RPTOR: variants seen among roughly 807,000 people sequenced by gnomAD.
RPTOR encodes regulatory-associated protein of mTOR.
In RPTOR, 21 loss-of-function variants were observed where a neutral mutation model predicts 169.9. That is an observed-to-expected ratio of 0.12 (90% CI 0.09 to 0.18). The LOEUF is 0.18. RPTOR is among the 10% of genes least tolerant of loss of function. The pLI is 1.00. For synonymous variants in RPTOR, 732 were observed against 753.2 expected (o/e 0.97, Z 0.46); for missense variants, 1,133 against 1,855.9 (o/e 0.61, Z 7.16).
chr17:80,753,897 C>T (rs1881486797), intron 5 of RPTOR, 113 bp from the exon 6 acceptor site: 1 of 1,024,698 alleles, frequency 9.8e-7, no homozygotes, highest in Non-Finnish European at 1.5e-6. Flanking sequence ...CCAGTGAAAA[C>T]TCACAGCCTG....
At chr17:80,573,526 T>G (rs2064929470) in intron 1 of RPTOR, among the ~76,000 whole-genome samples, 1 of 152,224 alleles carries the variant, frequency 6.6e-6, no homozygotes, top group South Asian at 2.1e-4. Flanking sequence ...GATGCTGTCC[T>G]AAGAGGCAAC....
At chr17:80,627,050 C>T (rs2065401258) in intron 2 of RPTOR, among the ~76,000 whole-genome samples, 1 of 152,090 alleles carries the variant, frequency 6.6e-6, no homozygotes, top group African/African-American at 2.4e-5. Flanking sequence ...GATATTTGTC[C>T]CTTTGTTTCT....
At chr17:80,591,883 T>A (rs1183782330) in intron 1 of RPTOR, among the ~76,000 whole-genome samples, 1 of 152,184 alleles carries the variant, frequency 6.6e-6, no homozygotes, top group Non-Finnish European at 1.5e-5. Context: ...AGTCACTGCA[T>A]GAGAGGCTGG....
At chr17:80,614,814 G>A (rs766378916) in intron 1 of RPTOR, among the ~76,000 whole-genome samples, 8 of 152,204 alleles carry the variant, frequency 5.3e-5, no homozygotes, top group South Asian at 2.1e-4. Flanking sequence ...TGTAGTGCTC[G>A]CTTTGCCGAC....
At chr17:80,621,571 C>T (rs2065354784) in intron 1 of RPTOR, among the ~76,000 whole-genome samples, 2 of 152,192 alleles carry the variant, frequency 1.3e-5, no homozygotes, top group African/African-American at 4.8e-5. Context: ...TCCTGGCTGC[C>T]CCACTTGCTC....
chr17:80,866,989 C>A (rs2068000131), intron 13 of RPTOR, among the ~76,000 whole-genome samples: 1 of 152,198 alleles, frequency 6.6e-6, no homozygotes, highest in African/African-American at 2.4e-5. Context: ...TGGATGACAT[C>A]TAAGCACCTT....
intron 7 of RPTOR, among the ~76,000 whole-genome samples, chr17:80,798,015 C>T (rs1049748985): frequency 6.6e-6 from 1 of 152,188 alleles, no homozygotes; most frequent in African/African-American, 2.4e-5. Context: ...AGACTGAGTT[C>T]CCCCTTATTT....
At chr17:80,765,562 T>G (rs1390586104) in intron 6 of RPTOR, among the ~76,000 whole-genome samples, 1 of 152,182 alleles carries the variant, frequency 6.6e-6, no homozygotes, top group East Asian at 1.9e-4. Context: ...TAGTGCTGCT[T>G]TCAGGATGAG....
intron 5 of RPTOR, among the ~76,000 whole-genome samples, chr17:80,747,089 C>T (rs1329682577): frequency 1.3e-5 from 2 of 152,060 alleles, no homozygotes; most frequent in African/African-American, 2.4e-5. Flanking sequence ...TGGTGGCACT[C>T]GCCTGTGATC....
chr17:80,865,971 A>G (rs1349026090), intron 13 of RPTOR, among the ~76,000 whole-genome samples: 5 of 152,172 alleles, frequency 3.3e-5, no homozygotes, highest in Non-Finnish European at 7.3e-5. Context: ...TCAATAATAG[A>G]TAGTAGGAAT....
intron 13 of RPTOR, among the ~76,000 whole-genome samples, chr17:80,863,903 G>A (rs2067949880): frequency 6.6e-6 from 1 of 152,216 alleles, no homozygotes. Flanking sequence ...CTAGGGAACA[G>A]AGTGAGGCCC....
intron 3 of RPTOR, among the ~76,000 whole-genome samples, chr17:80,661,073 T>TA (rs1184774724): frequency 6.6e-6 from 1 of 152,244 alleles, no homozygotes; most frequent in East Asian, 1.9e-4. Context: ...ACTGCCGACC[T>TA]ACCACACTTA....
chr17:80,594,034 TTTCC>T (rs563857494), intron 1 of RPTOR, among the ~76,000 whole-genome samples: 217 of 152,232 alleles, frequency 1.4e-3, no homozygotes, highest in African/African-American at 4.6e-3. Context: ...CGTTCCTTTC[TTTCC>T]TTCCTTCCTT....
intron 24 of RPTOR, among the ~76,000 whole-genome samples, chr17:80,934,688 G>A (rs2068935501): frequency 6.6e-6 from 1 of 152,096 alleles, no homozygotes; most frequent in South Asian, 2.1e-4. Flanking sequence ...ACTCAACACA[G>A]AAAACTTCTG....
Position 80,964,434 on chromosome 17 carries a change from C to T in RPTOR, c.*104C>T, listed in dbSNP as rs866441967. 5.4e-5 allele frequency: 62 copies of T among 1,147,112 alleles called. No homozygotes were observed. The Middle Eastern group carries it at 3.3e-3, about 61-fold the overall frequency. 71.1% of individuals were successfully genotyped at this position (1,147,112 alleles called of 1,614,324 possible). A position where few individuals can be genotyped will look rare whatever the true frequency, so the allele number is the denominator to read the frequency against. On this transcript the variant is annotated 3_prime_UTR_variant, in exon 34 of 34. Coordinates refer to ENST00000306801, the MANE Select transcript of RPTOR (RefSeq NM_020761.3). ...GGCTGCTGCGGCCCCGCAGTGTGAA[C>T]GTTGGCTGCTGCCTTAGCTGCTGAT...
intron 33 of RPTOR, 60 bp from the exon 34 acceptor site, chr17:80,964,202 C>CCCCCCCCCCACAGTCA: frequency 8.2e-7 from 1 of 1,224,850 alleles, no homozygotes; most frequent in Non-Finnish European, 1.2e-6. Context: ...TGCGCCCCCC[C>CCCCCCCCCCACAGTCA]GCCCCCCGCA....
chr17:80,580,742 C>T lies in RPTOR; in HGVS notation c.162+34951C>T, dbSNP rs575900726. On this transcript the variant is annotated intron_variant, in intron 1 of 33. Coordinates refer to ENST00000306801, the MANE Select transcript of RPTOR (RefSeq NM_020761.3). ...AGCTCCAGCAATCTTCCCACCTCAGCCTCCCGAGTAGCTGGGACCACAGGT... is the reference window on the plus strand; with the variant it reads ...AGCTCCAGCAATCTTCCCACCTCAGTCTCCCGAGTAGCTGGGACCACAGGT... Among the ~76,000 whole-genome samples, 4 of 152,296 alleles carry T rather than the reference C, an allele frequency of 2.6e-5. No individual in the cohort carries two copies. In the East Asian group the frequency reaches 7.7e-4, roughly 29 times the overall value.
At chr17:80,691,455 T>C (rs61707349) in intron 3 of RPTOR, among the ~76,000 whole-genome samples, 26,287 of 151,646 alleles carry the variant, frequency 0.17, 3,543 homozygotes, top group African/African-American at 0.39. Context: ...TGTGTGTGTG[T>C]GCACGCATGT....
chr17:80,600,482 C>T (rs182166137), intron 1 of RPTOR, among the ~76,000 whole-genome samples: 546 of 152,284 alleles, frequency 3.6e-3, no homozygotes, highest in Non-Finnish European at 5.6e-3. Context: ...AGAAAACAAG[C>T]CCCAGGTACC....
Sources: gnomAD v4.1 joint callset for allele counts (sites outside exome capture counted in the v4.1 genomes callset) on GRCh38, gnomAD v4.1.1 for gene constraint, MANE v1.5 for transcripts, NCBI Gene and HGNC (gene_info 2026-07-23, HGNC 2026-07-21) for gene names.